The following CRYGN variants were observed in gnomAD, a reference collection of about 807,000 sequenced individuals.
CRYGN encodes the protein gamma-crystallin N.
In CRYGN, 17 loss-of-function variants were observed where a neutral mutation model predicts 19.2. The observed-to-expected ratio is 0.89, with a 90% CI of 0.61 to 1.33. CRYGN has a LOEUF of 1.33. CRYGN is among the 40% of genes most tolerant of loss of function. The pLI, the probability that CRYGN is intolerant of heterozygous loss-of-function variation, is 0.00. For missense variants in CRYGN, 239 were observed against 239.6 expected, an observed-to-expected ratio of 1.00 and a Z score of 0.02; for synonymous variants, 84 against 85.8, an observed-to-expected ratio of 0.98 and a Z score of 0.12.
At chr7:151,439,369 G>C (rs1285909044) in intron 1 of CRYGN, among the ~76,000 whole-genome samples, 1 of 152,208 alleles carries the variant, frequency 6.6e-6, no homozygotes, top group Non-Finnish European at 1.5e-5. Flanking sequence ...GCACTGGAGA[G>C]GGCGAGGGAG....
At chr7:151,439,871 T>C (rs1291388310) in intron 1 of CRYGN, 26 bp downstream of exon 1, 1 of 1,552,940 alleles carries the variant, frequency 6.4e-7, no homozygotes, top group Non-Finnish European at 8.7e-7. Flanking sequence ...CCACTCGGTT[T>C]CCTTGGGGTT....
In CRYGN at chr7:151,436,321, C is replaced by T; in HGVS notation, c.275G>A (p.Gly92Glu). The T allele has an allele frequency of 1.3e-6, 2 of 1,567,218 alleles. No homozygotes were observed. The highest frequency in any genetic ancestry group is 1.7e-6 in the Non-Finnish European group (2 of 1,156,608). The change falls in exon 3 of 4, where the codon GGA becomes GAA. Residue 92 changes from glycine to glutamate, a missense_variant. Gly to Glu is a moderately conservative substitution (Grantham distance 98, BLOSUM62 -2). Transcript: ENST00000337323. The surrounding 1 kb of genome is among the most constrained non-coding windows in gnomAD (Gnocchi z 5.1). ...GAAGATTTCTAGGCGGAAATGTTCT[C>T]CGTGCTCCAAGACCAAGCAAAAAAG... ...MGSCRPVGMH[G>E]EHFRLEIFEG...
rs780155549 is a variant in CRYGN, at chr7:151,438,205, G to C, written c.61C>G (p.Leu21Val). Reference protein sequence around the residue: ...YEGKHFTGQKLEVFGDCDNFQ... With the variant: ...YEGKHFTGQKVEVFGDCDNFQ... ...TTGTCACAGTCCCCGAAGACCTCCAGCTTCTGCCCTGTGAAGTGCTTGCCT... is the reference window on the plus strand; with the variant it reads ...TTGTCACAGTCCCCGAAGACCTCCACCTTCTGCCCTGTGAAGTGCTTGCCT... Residue 21 changes from leucine (L) to valine (V), a missense_variant, in exon 2 of 4, where the codon CTG becomes GTG. Transcript: ENST00000337323. 12 of 1,613,798 alleles carry C rather than the reference G, an allele frequency of 7.4e-6. No individual in the cohort carries two copies. Among genetic ancestry groups the C allele is most frequent in the Middle Eastern group, 1.6e-4 (1 of 6,080 alleles).
In CRYGN at chr7:151,431,043, C is replaced by T. The variant is rs377088148; in HGVS notation, c.417-863G>A. Among the ~76,000 whole-genome samples the T allele has an allele frequency of 1.1e-3, 171 of 152,174 alleles. 2 individuals carry two copies. The highest frequency in any genetic ancestry group is 3.1e-4 in the Non-Finnish European group (21 of 68,026). ...CAGGAGCCCCCATGCTCAGGAATCTCGGGTCCAGGGCCCCTGTGTTCTCCT... is the reference window on the plus strand; with the variant it reads ...CAGGAGCCCCCATGCTCAGGAATCTTGGGTCCAGGGCCCCTGTGTTCTCCT... On this transcript the variant is annotated intron_variant, in intron 3 of 3. Transcript: ENST00000337323. This position sits in a 1 kb window ranked among gnomAD's most constrained non-coding sequence, Gnocchi z 4.8.
At position 151,430,074 on chromosome 7, in the gene CRYGN, G is replaced by A; in HGVS notation, c.523C>T (p.Pro175Ser). The A allele has an allele frequency of 7.6e-7, 1 of 1,321,720 alleles. No individual in the cohort carries two copies. The allele number at this position is 1,321,720 out of a possible 1,614,324, so 81.9% of individuals were successfully genotyped here. A position where few individuals can be genotyped will look rare whatever the true frequency, so the allele number is the denominator to read the frequency against. Residue 175 changes from proline to serine, a missense_variant, in exon 4 of 4, where the codon CCA becomes TCA. By Grantham distance (74) the Pro-to-Ser change is moderately conservative. Transcript: ENST00000337323. This position sits in a 1 kb window ranked among gnomAD's most constrained non-coding sequence, Gnocchi z 5.2. ...EATTKPATTQ[P>S]PFLTANL ...CAGAGGTTTGCAGTCAGGAAAGGTG[G>A]CTGGGTTGTTGCTGGTTTTGTGGTG...
Position 151,439,899 on chromosome 7 carries a change from T to A in CRYGN, c.19A>T (p.Lys7Ter), listed in dbSNP as rs1801719678. Residue 7 changes from lysine (K) to a stop codon, truncating the protein, a stop_gained and splice_region_variant, in exon 1 of 4, where the codon AAG becomes TAG. Transcript: ENST00000337323. LOFTEE classifies it high-confidence loss of function. MAQRSG[K>*]ITLYEGKHFT... ...TTGGGGTTGAGGGACGCACTCACCT[T>A]CCCCGAGCGCTGCGCCATGGTGCGC... 1 of 1,555,268 alleles carries A rather than the reference T, an allele frequency of 6.4e-7. No homozygotes were observed.
chr7:151,439,455 C>T (rs534372635), intron 1 of CRYGN, among the ~76,000 whole-genome samples: 8 of 152,134 alleles, frequency 5.3e-5, no homozygotes, highest in Admixed American at 1.3e-4. Context: ...GGTCTGGGCA[C>T]CAAAGGGATT....
intron 3 of CRYGN, among the ~76,000 whole-genome samples, chr7:151,432,535 G>T (rs1340063745): frequency 6.6e-6 from 1 of 152,202 alleles, no homozygotes; most frequent in Non-Finnish European, 1.5e-5. Context: ...CGGGCATGGG[G>T]GCTCACGCCT....
rs1801405817 is a variant in CRYGN, at chr7:151,428,834, C to G, written c.*1214G>C. 6.6e-6 allele frequency: 1 copy of G among 152,120 alleles called. No homozygotes were observed. The highest frequency in any genetic ancestry group is 1.5e-5 in the Non-Finnish European group (1 of 68,034). The allele number at this position is 152,120 out of a possible 1,614,324, so 9.4% of individuals were successfully genotyped here. The stretch of plus-strand genomic sequence containing the variant: ...ATAAATTACAAGCTGCCCACAAGCA[C>G]TTTGGTGGGAATCTTGTTTTTCCTC... On this transcript the variant is annotated 3_prime_UTR_variant, in exon 4 of 4. Transcript: ENST00000337323.
intron 3 of CRYGN, chr7:151,432,247 A>G (rs941328828): frequency 1.6e-6 from 2 of 1,232,046 alleles, no homozygotes; most frequent in African/African-American, 1.6e-5. Context: ...CACCACGTAC[A>G]TGCGGCCGTG....
chr7:151,432,613 G>A (rs1475034221), intron 3 of CRYGN, among the ~76,000 whole-genome samples: 1 of 152,212 alleles, frequency 6.6e-6, no homozygotes, highest in African/African-American at 2.4e-5. Context: ...AGAGCAGCCC[G>A]GCCAACGTGG....
chr7:151,434,062 C>T (rs1213186823), intron 3 of CRYGN, among the ~76,000 whole-genome samples: 1 of 152,124 alleles, frequency 6.6e-6, no homozygotes, highest in African/African-American at 2.4e-5. Context: ...TCCCCCGACC[C>T]CAGGAAAGGC....
At chr7:151,434,204 G>A (rs775509712) in intron 3 of CRYGN, among the ~76,000 whole-genome samples, 14 of 152,174 alleles carry the variant, frequency 9.2e-5, no homozygotes, top group Admixed American at 6.5e-4. Context: ...CTGGGGTCCC[G>A]ATGGCTGGCT....
Position 151,439,824 on chromosome 7 carries a change from T to A in CRYGN, c.21+73A>T. ...TTGTCACCATCAACAGTGTGCACCCTCCTGCATCCCCTAGCACAGGGGGCG... is the reference window on the plus strand; with the variant it reads ...TTGTCACCATCAACAGTGTGCACCCACCTGCATCCCCTAGCACAGGGGGCG... On this transcript the variant is annotated intron_variant, in intron 1 of 3. Coordinates refer to ENST00000337323, the MANE Select transcript of CRYGN (RefSeq NM_144727.3). The A allele has an allele frequency of 4.8e-6, 7 of 1,456,976 alleles. No homozygotes were observed. In the South Asian group the frequency reaches 9.0e-5, roughly 19 times the overall value. 90.3% of individuals were successfully genotyped at this position (1,456,976 alleles called of 1,614,324 possible).
intron 1 of CRYGN, 31 bp downstream of exon 1, chr7:151,439,866 C>T (rs779632266): frequency 1.3e-5 from 20 of 1,550,762 alleles, no homozygotes; most frequent in Non-Finnish European, 1.7e-5. Flanking sequence ...GAGCCCCACT[C>T]GGTTTCCTTG....
rs538826256 is a variant in CRYGN at position 151,436,679 on chromosome 7, G to A, written c.271-354C>T. 3 of 164,562 alleles carry A rather than the reference G, an allele frequency of 1.8e-5. No individual in the cohort carries two copies. The highest frequency in any genetic ancestry group is 2.6e-5 in the Non-Finnish European group (2 of 76,586). 10.2% of individuals were successfully genotyped at this position (164,562 alleles called of 1,614,324 possible). A position where few individuals can be genotyped will look rare whatever the true frequency, so the allele number is the denominator to read the frequency against. ...CTGGGTGCTCAGCGTGGGGGACTCC[G>A]GCCCTGATCACAGCCACACACTCCG... On this transcript the variant is annotated intron_variant, in intron 2 of 3. Transcript: ENST00000337323. The surrounding 1 kb of genome is among the most constrained non-coding windows in gnomAD (Gnocchi z 5.1).
At position 151,430,590 on chromosome 7, in the gene CRYGN, C is replaced by T. The variant is rs1340594763; in HGVS notation, c.417-410G>A. Among the ~76,000 whole-genome samples, 1 of 152,152 alleles carries T rather than the reference C, an allele frequency of 6.6e-6. No individual in the cohort carries two copies. The highest frequency in any genetic ancestry group is 1.5e-5 in the Non-Finnish European group (1 of 68,006). ...AGCCCCTGAGATTTTGTTTTTCTCT[C>T]GGGAACCCTGTGTTCCCTCGCTGAG... On this transcript the variant is annotated intron_variant, in intron 3 of 3. Coordinates refer to ENST00000337323, the MANE Select transcript of CRYGN (RefSeq NM_144727.3). The surrounding 1 kb of genome is among the most constrained non-coding windows in gnomAD (Gnocchi z 5.2).
At chr7:151,440,192 C>CCCCTG (rs1460776567), upstream of CRYGN, 3 of 1,015,244 alleles carry the variant, frequency 3.0e-6, no homozygotes, top group Non-Finnish European at 4.0e-6. Flanking sequence ...CCCGCGGCTG[C>CCCCTG]CCCTGCCCTG....
At position 151,435,412 on chromosome 7, in the gene CRYGN, C is replaced by A. The variant is rs900693446; in HGVS notation, c.416+768G>T. On this transcript the variant is annotated intron_variant, in intron 3 of 3. Transcript: ENST00000337323. The surrounding 1 kb of genome is among the most constrained non-coding windows in gnomAD (Gnocchi z 4.2). ...TGTAGAACGGGGGCGATAATATCTACCTGACCTAGAGGTGTGGGCTGGACA... is the reference window on the plus strand; with the variant it reads ...TGTAGAACGGGGGCGATAATATCTAACTGACCTAGAGGTGTGGGCTGGACA... Among the ~76,000 whole-genome samples, 5 of 152,144 alleles carry A rather than the reference C, an allele frequency of 3.3e-5. No homozygotes were observed. The highest frequency in any genetic ancestry group is 1.2e-4 in the African/African-American group (5 of 41,422).
Sources: allele counts gnomAD v4.1 joint callset (sites outside exome capture counted in the v4.1 genomes callset), GRCh38; gene constraint gnomAD v4.1.1; non-coding constraint Gnocchi (gnomAD v3.1); transcripts MANE v1.5; gene names NCBI Gene and HGNC (gene_info 2026-07-23, HGNC 2026-07-21).